CELF4: variants seen among roughly 807,000 people sequenced by gnomAD.
CELF4 encodes CUG-BP- and ETR-3-like factor 4.
Under a neutral mutation model 59.9 loss-of-function variants are expected in CELF4, and 18 were observed. The observed-to-expected ratio is 0.30, with a 90% CI of 0.21 to 0.45. The LOEUF is 0.45. Among genes scored for constraint, CELF4 ranks in the 20% least tolerant of loss-of-function variants. The pLI, the probability that CELF4 is intolerant of heterozygous loss-of-function variation, is 1.00. For synonymous variants in CELF4, 261 were observed against 267.1 expected (o/e 0.98, Z 0.22); for missense variants, 456 against 689.0 (o/e 0.66, Z 3.79).
intron 1 of CELF4, among the ~76,000 whole-genome samples, chr18:37,507,336 T>C (rs940072086): frequency 2.0e-5 from 3 of 152,204 alleles, no homozygotes; most frequent in Non-Finnish European, 4.4e-5. Flanking sequence ...ATTTACTAGG[T>C]TGTTATTCGG....
intron 3 of CELF4, among the ~76,000 whole-genome samples, chr18:37,318,458 C>G (rs78529664): frequency 1.0e-3 from 158 of 152,044 alleles, no homozygotes; most frequent in African/African-American, 3.3e-3. Flanking sequence ...ACTTCTCCCC[C>G]CTTCCCCTTC....
At chr18:37,421,289 T>C (rs944740614) in intron 2 of CELF4, among the ~76,000 whole-genome samples, 1 of 152,196 alleles carries the variant, frequency 6.6e-6, no homozygotes, top group Non-Finnish European at 1.5e-5. Flanking sequence ...GGCTCCCAGC[T>C]CCCTGGCCAA....
At chr18:37,271,036 C>T (rs996399501) in intron 7 of CELF4, 119 bp from the exon 8 acceptor site, 12 of 798,116 alleles carry the variant, frequency 1.5e-5, no homozygotes, top group Non-Finnish European at 1.3e-5. Flanking sequence ...TAGACTTGGA[C>T]CTCACATACC....
intron 3 of CELF4, among the ~76,000 whole-genome samples, chr18:37,301,277 C>T (rs1362966405): frequency 6.6e-6 from 1 of 152,200 alleles, no homozygotes; most frequent in Non-Finnish European, 1.5e-5. Flanking sequence ...CTCAGCTAGA[C>T]TGAGAGGCCA....
At chr18:37,461,686 T>C (rs1418907452) in intron 2 of CELF4, among the ~76,000 whole-genome samples, 2 of 152,220 alleles carry the variant, frequency 1.3e-5, no homozygotes, top group African/African-American at 2.4e-5. Flanking sequence ...TGCTAAGCAA[T>C]GTGGCTGTAC....
At chr18:37,415,973 G>T (rs2099524300) in intron 2 of CELF4, among the ~76,000 whole-genome samples, 1 of 152,202 alleles carries the variant, frequency 6.6e-6, no homozygotes, top group Admixed American at 6.5e-5. Context: ...GGCCCAGGGT[G>T]GGGCAGGGAG....
At chr18:37,256,088 G>C (rs1003586851) in intron 11 of CELF4, among the ~76,000 whole-genome samples, 6 of 152,198 alleles carry the variant, frequency 3.9e-5, no homozygotes, top group African/African-American at 1.4e-4. Context: ...CCCTGTGGCA[G>C]GGCTCTGGGC....
rs537429022 is a variant in CELF4, at chr18:37,493,304, C to A, written c.287-7697G>T. Among the ~76,000 whole-genome samples the A allele has an allele frequency of 3.9e-5, 6 of 152,360 alleles. No individual in the cohort carries two copies. The South Asian group carries it at 8.3e-4, about 21-fold the overall frequency. On this transcript the variant is annotated intron_variant, in intron 1 of 12. Transcript: ENST00000420428. The stretch of plus-strand genomic sequence containing the variant: ...GGAAGCCTTCCCTGACTACTTCAAC[C>A]CCAACCTCTCTCATAGCCCTTGGCA...
chr18:37,436,716 A>G (rs1463386378), intron 2 of CELF4, among the ~76,000 whole-genome samples: 4 of 152,166 alleles, frequency 2.6e-5, no homozygotes, highest in African/African-American at 9.7e-5. Flanking sequence ...GGATGGTCAG[A>G]AATAGAGGCG....
intron 2 of CELF4, among the ~76,000 whole-genome samples, chr18:37,364,456 A>C (rs1271880424): frequency 6.6e-6 from 1 of 152,180 alleles, no homozygotes; most frequent in Non-Finnish European, 1.5e-5. Flanking sequence ...GACAGCATGG[A>C]ACACAAGGAT....
Position 37,397,431 on chromosome 18 carries a change from T to C in CELF4, c.370-75550A>G, listed in dbSNP as rs528839316. 1.4e-4 allele frequency among the ~76,000 whole-genome samples: 22 copies of C among 152,248 alleles called. No individual in the cohort carries two copies. The South Asian group carries it at 4.6e-3, about 32-fold the overall frequency. ...GCTGGGCTGGGCAAGGGCAGGACCA[T>C]CTGGGTTGCCCTGGGTACCCAGGAC... is the stretch of plus-strand genomic sequence containing the variant. On this transcript the variant is annotated intron_variant, in intron 2 of 12. Coordinates refer to ENST00000420428, the MANE Select transcript of CELF4 (RefSeq NM_020180.4).
At chr18:37,469,738 C>T (rs1384841563) in intron 2 of CELF4, among the ~76,000 whole-genome samples, 1 of 152,220 alleles carries the variant, frequency 6.6e-6, no homozygotes, top group Non-Finnish European at 1.5e-5. Flanking sequence ...AGGGCTCAAA[C>T]AGTGGCCAGA....
chr18:37,307,541 C>A (rs1194390186), intron 3 of CELF4, among the ~76,000 whole-genome samples: 1 of 152,070 alleles, frequency 6.6e-6, no homozygotes, highest in Admixed American at 6.5e-5. Context: ...TAAGATGTGC[C>A]ACAAGGAGAA....
chr18:37,460,846 C>A (rs1219100070), intron 2 of CELF4, among the ~76,000 whole-genome samples: 1 of 152,198 alleles, frequency 6.6e-6, no homozygotes, highest in African/African-American at 2.4e-5. Context: ...GCATCAACAC[C>A]AAGTAACAGC....
intron 3 of CELF4, among the ~76,000 whole-genome samples, chr18:37,287,710 G>A (rs781028577): frequency 2.1e-4 from 32 of 152,252 alleles, no homozygotes; most frequent in Non-Finnish European, 4.3e-4. Context: ...GAACTCAGAG[G>A]GCCCATGCTT....
At chr18:37,554,588 G>C (rs1253073877) in intron 1 of CELF4, among the ~76,000 whole-genome samples, 1 of 152,160 alleles carries the variant, frequency 6.6e-6, no homozygotes, top group Non-Finnish European at 1.5e-5. Context: ...CATGGGGCCT[G>C]GACTCTAAGG....
At chr18:37,398,952 T>A (rs1293335194) in intron 2 of CELF4, among the ~76,000 whole-genome samples, 1 of 152,136 alleles carries the variant, frequency 6.6e-6, no homozygotes, top group Admixed American at 6.5e-5. Context: ...ACGTGACTGC[T>A]TTGTCCTGCC....
chr18:37,267,778 G>A (rs1430430248), intron 8 of CELF4, among the ~76,000 whole-genome samples: 3 of 152,128 alleles, frequency 2.0e-5, no homozygotes, highest in Non-Finnish European at 2.9e-5. Context: ...GCTCATGCCT[G>A]CAATCCCAAC....
chr18:37,410,979 C>T (rs572661597), intron 2 of CELF4, among the ~76,000 whole-genome samples: 16 of 152,252 alleles, frequency 1.1e-4, no homozygotes, highest in South Asian at 4.1e-4. Flanking sequence ...TTTTTTGAGA[C>T]GAGGTCTCAC....
Sources: allele counts gnomAD v4.1 joint callset (sites outside exome capture counted in the v4.1 genomes callset), GRCh38; gene constraint gnomAD v4.1.1; transcripts MANE v1.5; gene names NCBI Gene and HGNC (gene_info 2026-07-23, HGNC 2026-07-21).